The following RNF115 variants were observed in gnomAD, a reference collection of about 807,000 sequenced individuals.
The protein encoded by RNF115 is ring finger protein 115, also known as E3 ubiquitin-protein ligase RNF115.
In RNF115, 31 loss-of-function variants were observed where a neutral mutation model predicts 39.2. The observed-to-expected ratio is 0.79, with a 90% CI of 0.59 to 1.07. The LOEUF (loss-of-function observed/expected upper bound fraction) is 1.07. Among genes scored for constraint, RNF115 ranks in the 50% least tolerant of loss-of-function variants. The pLI, the probability that RNF115 is intolerant of heterozygous loss-of-function variation, is 0.00. For missense variants in RNF115, 384 were observed against 381.7 expected (o/e 1.01, Z -0.05); for synonymous variants, 124 against 131.0 (o/e 0.95, Z 0.37).
At chr1:145,755,654 A>G (rs1658266910) in intron 4 of RNF115, among the ~76,000 whole-genome samples, 1 of 152,194 alleles carries the variant, frequency 6.6e-6, no homozygotes, top group Non-Finnish European at 1.5e-5. Flanking sequence ...CCAAAACTTG[A>G]GAGTATCTTT....
At chr1:145,779,412 C>A (rs1177398994) in intron 3 of RNF115, among the ~76,000 whole-genome samples, 1 of 151,988 alleles carries the variant, frequency 6.6e-6, no homozygotes, top group Non-Finnish European at 1.5e-5. Flanking sequence ...TGGGCTCAAA[C>A]AATCCGCCTG....
At chr1:145,804,499 G>GCACACACACAAACACACACA (rs1649382260) in intron 1 of RNF115, among the ~76,000 whole-genome samples, 1 of 148,438 alleles carries the variant, frequency 6.7e-6, no homozygotes, top group Non-Finnish European at 1.5e-5. Context: ...ATGCATGCAT[G>GCACACACACAAACACACACA]CACACACACA....
chr1:145,761,961 G>A (rs1424676451), intron 4 of RNF115, among the ~76,000 whole-genome samples: 1 of 152,158 alleles, frequency 6.6e-6, no homozygotes, highest in Non-Finnish European at 1.5e-5. Context: ...TGTGAGACTT[G>A]GACTCAAAGG....
chr1:145,819,266 T>C (rs1253832162), intron 1 of RNF115, among the ~76,000 whole-genome samples: 3 of 102,176 alleles, frequency 2.9e-5, no homozygotes, highest in East Asian at 5.6e-4. Context: ...CGAAACCTTA[T>C]CTCTCAAAAA....
At position 145,771,854 on chromosome 1, in the gene RNF115, T is replaced by C. The variant is rs782156160; in HGVS notation, c.285A>G (p.Pro95=). 1.2e-6 allele frequency: 2 copies of C among 1,614,156 alleles called. No homozygotes were observed. The highest frequency in any genetic ancestry group is 1.7e-5 in the Admixed American group (1 of 60,018). The change falls in exon 4 of 9, where the codon CCA becomes CCG. Residue 95 remains proline, a synonymous_variant. Transcript: ENST00000582693. ...QDFRPFLSSS[P]LDQDNRANER... ...CATTGGCTCTATTATCTTGGTCCAG[T>C]GGACTGCTACTTAGAAAGGGTCTAA...
chr1:145,792,467 CCCA>C (rs1648719075), intron 1 of RNF115, among the ~76,000 whole-genome samples: 1 of 151,942 alleles, frequency 6.6e-6, no homozygotes, highest in South Asian at 2.1e-4. Flanking sequence ...ACAGGCAAAA[CCCA>C]CCATGCCTGG....
chr1:145,795,506 AGT>A (rs1328242660), intron 1 of RNF115, among the ~76,000 whole-genome samples: 1 of 152,084 alleles, frequency 6.6e-6, no homozygotes, highest in South Asian at 2.1e-4. Flanking sequence ...AGTGCTGATT[AGT>A]GTGTTTACAA....
chr1:145,812,672 CA>C (rs1208058473), intron 1 of RNF115, among the ~76,000 whole-genome samples: 1 of 108,334 alleles, frequency 9.2e-6, no homozygotes, highest in Non-Finnish European at 1.7e-5. Context: ...AAAAAAAAAC[CA>C]AAAAACAAAA....
chr1:145,763,384 CA>C (rs1267506621), intron 4 of RNF115, among the ~76,000 whole-genome samples: 2 of 152,120 alleles, frequency 1.3e-5, no homozygotes, highest in South Asian at 4.1e-4. Flanking sequence ...AACAAAAAAA[CA>C]AAAGAGTAAA....
chr1:145,773,071 T>C (rs1181773764), intron 3 of RNF115: 3 of 152,226 alleles, frequency 2.0e-5, no homozygotes, highest in East Asian at 1.9e-4. Flanking sequence ...TTTCTCTTTA[T>C]TGATATTCTC....
chr1:145,791,526 A>G (rs1246989797), intron 1 of RNF115, among the ~76,000 whole-genome samples: 4 of 151,780 alleles, frequency 2.6e-5, no homozygotes, highest in Non-Finnish European at 4.4e-5. Flanking sequence ...AAAAAAAAAA[A>G]AGAGAAAGAG....
chr1:145,772,654 TTC>T (rs1559113959), intron 3 of RNF115: 1 of 152,342 alleles, frequency 6.6e-6, no homozygotes, highest in African/African-American at 2.4e-5. Context: ...GCTTCCAAGA[TTC>T]TCTCTTTATC....
At chr1:145,782,007 A>T (rs1648171989) in intron 3 of RNF115, among the ~76,000 whole-genome samples, 1 of 151,190 alleles carries the variant, frequency 6.6e-6, no homozygotes, top group Non-Finnish European at 1.5e-5. Flanking sequence ...GGTTCAAGCA[A>T]TTCTCCTGCC....
Position 145,767,087 on chromosome 1 carries a change from T to C in RNF115, c.428+4624A>G, listed in dbSNP as rs1244044681. Among the ~76,000 whole-genome samples, 106 of 120,236 alleles carry C rather than the reference T, an allele frequency of 8.8e-4. 1 individual carries two copies. The highest frequency in any genetic ancestry group is 0.014 in the Middle Eastern group (2 of 140). 78.9% of individuals were successfully genotyped at this position (120,236 alleles called of 152,430 possible). On this transcript the variant is annotated intron_variant, in intron 4 of 8. Coordinates refer to ENST00000582693, the MANE Select transcript of RNF115 (RefSeq NM_014455.4). ...GCAGGGGGCTGACCCCCCCACCTCCTTCCCGGACGGGGCGGCTGGCCCGGC... is the reference window on the plus strand; with the variant it reads ...GCAGGGGGCTGACCCCCCCACCTCCCTCCCGGACGGGGCGGCTGGCCCGGC...
chr1:145,793,617 T>C (rs1380112328), intron 1 of RNF115, among the ~76,000 whole-genome samples: 2 of 127,992 alleles, frequency 1.6e-5, no homozygotes, highest in Non-Finnish European at 3.2e-5. Flanking sequence ...CTCTCTCACA[T>C]GCTTTTTCTC....
Position 145,738,997 on chromosome 1 carries a change from CAG to C in RNF115, c.*7867_*7868del, listed in dbSNP as rs1163717544. The C allele has an allele frequency of 6.5e-6, 1 of 154,036 alleles. No homozygotes were observed. The highest frequency in any genetic ancestry group is 6.5e-5 in the Admixed American group (1 of 15,292). 9.5% of individuals were successfully genotyped at this position (154,036 alleles called of 1,614,324 possible). The stretch of plus-strand genomic sequence containing the variant: ...TGGCATGAAAATGAGAAAATGCAGA[CAG>C]ACCTCAACATTCAACAACATCCATA... On this transcript the variant is annotated 3_prime_UTR_variant, in exon 9 of 9. Transcript: ENST00000582693.
chr1:145,752,476 T>A (rs1658121728), intron 5 of RNF115, among the ~76,000 whole-genome samples: 1 of 151,556 alleles, frequency 6.6e-6, no homozygotes, highest in African/African-American at 2.4e-5. Context: ...AGGACGGCCT[T>A]CCTGAGCCTG....
chr1:145,747,319 T>C (rs1004970162), intron 8 of RNF115, among the ~76,000 whole-genome samples: 22 of 152,086 alleles, frequency 1.4e-4, no homozygotes, highest in Admixed American at 6.5e-5. Context: ...CTTCCCAATA[T>C]GGTCTAGAGC....
chr1:145,801,757 G>A (rs1649253491), intron 1 of RNF115, among the ~76,000 whole-genome samples: 1 of 151,646 alleles, frequency 6.6e-6, no homozygotes, highest in Admixed American at 6.6e-5. Flanking sequence ...CTCTTTTTCA[G>A]TAACTCATTT....
Sources: allele counts gnomAD v4.1 joint callset (sites outside exome capture counted in the v4.1 genomes callset), GRCh38; gene constraint gnomAD v4.1.1; transcripts MANE v1.5; gene names NCBI Gene and HGNC (gene_info 2026-07-23, HGNC 2026-07-21).